The following PUS7L variants were observed in gnomAD, a reference collection of about 807,000 sequenced individuals.
The protein encoded by PUS7L is pseudouridine synthase 7 like.
A neutral mutation model predicts 51.1 loss-of-function variants in PUS7L; 49 were observed. The observed-to-expected ratio is 0.96, with a 90% CI of 0.76 to 1.22. The LOEUF is 1.22. Ranked by LOEUF, PUS7L falls within the 50% of genes most tolerant of loss-of-function variation. The pLI, the probability that PUS7L is intolerant of heterozygous loss-of-function variation, is 0.00. For missense variants in PUS7L, 828 were observed against 820.6 expected (o/e 1.01, Z -0.11); for synonymous variants, 277 against 276.2 (o/e 1.00, Z -0.03).
chr12:43,754,415 T>C lies in PUS7L; in HGVS notation c.831A>G (p.Thr277=). The change falls in exon 2 of 9, where the codon ACA becomes ACG. Residue 277 remains threonine, a synonymous_variant. Coordinates refer to ENST00000344862, the MANE Select transcript of PUS7L (RefSeq NM_031292.5). Reference sequence around the variant, plus strand: ...TGTGTGCTTTTTCCCGAAATCTTACTGTTACCACCACATTCGGATTACCAG... The same window carrying C: ...TGTGTGCTTTTTCCCGAAATCTTACCGTTACCACCACATTCGGATTACCAG... ...CSAGNPNVVV[T]VRFREKAHKR... The C allele has an allele frequency of 6.2e-7, 1 of 1,613,358 alleles. No individual in the cohort carries two copies. The highest frequency in any genetic ancestry group is 1.1e-5 in the South Asian group (1 of 90,894).
In PUS7L at chr12:43,736,436, C is replaced by T; in HGVS notation, c.1670G>A (p.Gly557Asp). The change falls in exon 7 of 9, where the codon GGT becomes GAT. Residue 557 changes from glycine (G) to aspartate (D), a missense_variant. Transcript: ENST00000344862. ...LETYGARVVQ[G>D]DLVCLDEDID... ...GTCTTCATCCAAACAGACCAAATCACCCTGCACTACTCTTGCTCCATAGGT... is the reference window on the plus strand; with the variant it reads ...GTCTTCATCCAAACAGACCAAATCATCCTGCACTACTCTTGCTCCATAGGT... 2 of 1,614,160 alleles carry T rather than the reference C, an allele frequency of 1.2e-6. No individual in the cohort carries two copies. The highest frequency in any genetic ancestry group is 8.5e-7 in the Non-Finnish European group (1 of 1,180,022).
rs960230006 is a variant in PUS7L, at chr12:43,724,797, T to C, written c.*5579A>G. The C allele has an allele frequency of 6.6e-6, 1 of 152,218 alleles. No individual in the cohort carries two copies. Among genetic ancestry groups the C allele is most frequent in the Non-Finnish European group, 1.5e-5 (1 of 68,026 alleles). 9.4% of individuals were successfully genotyped at this position (152,218 alleles called of 1,614,324 possible). The stretch of plus-strand genomic sequence containing the variant: ...CTTCATGTATTGGTATCATAATTAC[T>C]GCTATGTCTATACTATTATTTATTT... On this transcript the variant is annotated 3_prime_UTR_variant, in exon 9 of 9. Coordinates refer to ENST00000344862, the MANE Select transcript of PUS7L (RefSeq NM_031292.5).
In PUS7L at chr12:43,720,234, A is replaced by G. The variant is rs1389128379; in HGVS notation, c.*10142T>C. The G allele has an allele frequency of 6.6e-6, 1 of 152,226 alleles. No individual in the cohort carries two copies. The highest frequency in any genetic ancestry group is 2.4e-5 in the African/African-American group (1 of 41,466). 9.4% of individuals were successfully genotyped at this position (152,226 alleles called of 1,614,324 possible). On this transcript the variant is annotated 3_prime_UTR_variant, in exon 9 of 9. Coordinates refer to ENST00000344862, the MANE Select transcript of PUS7L (RefSeq NM_031292.5). ...AGTGTATCTCTTCATCTGTAATCCC[A>G]GCATTTTGGGAGGCTGAGGCTGGCA...
chr12:43,729,471 T>C lies in PUS7L; in HGVS notation c.*905A>G, dbSNP rs924033457. The C allele has an allele frequency of 5.8e-6, 2 of 345,152 alleles. No homozygotes were observed. The highest frequency in any genetic ancestry group is 4.2e-5 in the African/African-American group (2 of 47,586). The allele number at this position is 345,152 out of a possible 1,614,324, so 21.4% of individuals were successfully genotyped here. ...CCAACACACCCATATTTAACTGATATAAAATGGTGAAGGATGATTTATAAT... is the reference window on the plus strand; with the variant it reads ...CCAACACACCCATATTTAACTGATACAAAATGGTGAAGGATGATTTATAAT... On this transcript the variant is annotated 3_prime_UTR_variant, in exon 9 of 9. Transcript: ENST00000344862.
In PUS7L at chr12:43,719,371, A is replaced by G. The variant is rs189862773; in HGVS notation, c.*11005T>C. 6.6e-6 allele frequency: 1 copy of G among 152,332 alleles called. No homozygotes were observed. Among genetic ancestry groups the G allele is most frequent in the East Asian group, 1.9e-4 (1 of 5,178 alleles). 9.4% of individuals were successfully genotyped at this position (152,332 alleles called of 1,614,324 possible). ...AGAAAAGTAAGAAAAGTATTATAAA[A>G]GTTGAAATAAAGCTAACCTTGGAGT... On this transcript the variant is annotated 3_prime_UTR_variant, in exon 9 of 9. Coordinates refer to ENST00000344862, the MANE Select transcript of PUS7L (RefSeq NM_031292.5).
In PUS7L at chr12:43,736,367, G is replaced by A. The variant is rs1944688630; in HGVS notation, c.1725+14C>T. 1.9e-6 allele frequency: 3 copies of A among 1,607,664 alleles called. No homozygotes were observed. Among genetic ancestry groups the A allele is most frequent in the Admixed American group, 1.7e-5 (1 of 59,812 alleles). On this transcript the variant is annotated intron_variant, in intron 7 of 8. Coordinates refer to ENST00000344862, the MANE Select transcript of PUS7L (RefSeq NM_031292.5). ...GTAACTACTCTTGGAAAACTCTGAT[G>A]GAATGATACTTACTTTACTATTTGG...
At chr12:43,758,392 C>G (rs1286906589) in intron 1 of PUS7L, 2 of 985,406 alleles carry the variant, frequency 2.0e-6, no homozygotes, top group Admixed American at 6.2e-5. Flanking sequence ...TTGCTTGGCC[C>G]GTGGTTGAGG....
intron 1 of PUS7L, among the ~76,000 whole-genome samples, chr12:43,757,773 A>G (rs1279027120): frequency 1.3e-5 from 2 of 152,376 alleles, no homozygotes; most frequent in South Asian, 2.1e-4. Flanking sequence ...TAAGTCCTCC[A>G]TAGTTCAAGA....
intron 2 of PUS7L, among the ~76,000 whole-genome samples, chr12:43,749,301 C>T (rs1295205137): frequency 1.3e-5 from 2 of 152,174 alleles, no homozygotes; most frequent in Non-Finnish European, 2.9e-5. Flanking sequence ...CTGTCTAAAA[C>T]ATGTGTTCCC....
chr12:43,751,106 T>G (rs1938418414), intron 2 of PUS7L, among the ~76,000 whole-genome samples: 1 of 152,130 alleles, frequency 6.6e-6, no homozygotes, highest in Non-Finnish European at 1.5e-5. Flanking sequence ...CAAGAACTCT[T>G]TGGTTTGGTG....
intron 3 of PUS7L, among the ~76,000 whole-genome samples, chr12:43,746,532 G>A (rs1201373336): frequency 6.6e-6 from 1 of 152,172 alleles, no homozygotes; most frequent in East Asian, 1.9e-4. Context: ...GCTCCTAGCA[G>A]TTCTCCTGAT....
In PUS7L at chr12:43,730,205, T is replaced by G; in HGVS notation, c.*171A>C. 2 of 583,224 alleles carry G rather than the reference T, an allele frequency of 3.4e-6. No homozygotes were observed. The highest frequency in any genetic ancestry group is 3.0e-6 in the Non-Finnish European group (1 of 332,962). 36.1% of individuals were successfully genotyped at this position (583,224 alleles called of 1,614,324 possible). ...GGACCTTAAATTTGGACCCTGACACTTACATATCCTCTATAAAATTACAGT... is the reference window on the plus strand; with the variant it reads ...GGACCTTAAATTTGGACCCTGACACGTACATATCCTCTATAAAATTACAGT... On this transcript the variant is annotated 3_prime_UTR_variant, in exon 9 of 9. Coordinates refer to ENST00000344862, the MANE Select transcript of PUS7L (RefSeq NM_031292.5).
chr12:43,743,000 C>A (rs1937978940), intron 4 of PUS7L, among the ~76,000 whole-genome samples: 1 of 152,162 alleles, frequency 6.6e-6, no homozygotes, highest in Non-Finnish European at 1.5e-5. Flanking sequence ...TATCCTGGCT[C>A]TTTTCTACAT....
In PUS7L at chr12:43,722,329, T is replaced by C. The variant is rs1412664534; in HGVS notation, c.*8047A>G. The C allele has an allele frequency of 6.6e-6, 1 of 152,008 alleles. No individual in the cohort carries two copies. The highest frequency in any genetic ancestry group is 2.4e-5 in the African/African-American group (1 of 41,412). 9.4% of individuals were successfully genotyped at this position (152,008 alleles called of 1,614,324 possible). On this transcript the variant is annotated 3_prime_UTR_variant, in exon 9 of 9. Transcript: ENST00000344862. ...GACATTTCTACTTTTTGGAGAACAA[T>C]TGACATAGTAAACAAGATGGACTGA... is the stretch of plus-strand genomic sequence containing the variant.
rs1200877516 is a variant in PUS7L at position 43,726,497 on chromosome 12, T to C, written c.*3879A>G. 1 of 108,096 alleles carries C rather than the reference T, an allele frequency of 9.3e-6. No homozygotes were observed. The highest frequency in any genetic ancestry group is 1.9e-5 in the Non-Finnish European group (1 of 51,536). 6.7% of individuals were successfully genotyped at this position (108,096 alleles called of 1,614,324 possible). On this transcript the variant is annotated 3_prime_UTR_variant, in exon 9 of 9. Transcript: ENST00000344862. ...GACAAAAGACCTAACAAAGATATCATGACAGACTCCAAAAGCAACTGGAAC... is the reference window on the plus strand; with the variant it reads ...GACAAAAGACCTAACAAAGATATCACGACAGACTCCAAAAGCAACTGGAAC...
rs1356029741 is a variant in PUS7L at position 43,719,806 on chromosome 12, C to G, written c.*10570G>C. On this transcript the variant is annotated 3_prime_UTR_variant, in exon 9 of 9. Transcript: ENST00000344862. ...TTTTTACAGCACCTATAGTGATTTC[C>G]TTTCCAATTATGATATTGGTTAGTT... 1 of 152,108 alleles carries G rather than the reference C, an allele frequency of 6.6e-6. No individual in the cohort carries two copies. Among genetic ancestry groups the G allele is most frequent in the Non-Finnish European group, 1.5e-5 (1 of 68,012 alleles). The allele number at this position is 152,108 out of a possible 1,614,324, so 9.4% of individuals were successfully genotyped here.
In PUS7L at chr12:43,721,042, C is replaced by A. The variant is rs1944391785; in HGVS notation, c.*9334G>T. On this transcript the variant is annotated 3_prime_UTR_variant, in exon 9 of 9. Coordinates refer to ENST00000344862, the MANE Select transcript of PUS7L (RefSeq NM_031292.5). ...TGATTGATAGCTATTGTCATTACAA[C>A]ACTTAAAGTGAATTTTCCCCAACTT... is the stretch of plus-strand genomic sequence containing the variant. 6.6e-6 allele frequency: 1 copy of A among 152,172 alleles called. No individual in the cohort carries two copies. Among genetic ancestry groups the A allele is most frequent in the Non-Finnish European group, 1.5e-5 (1 of 68,022 alleles). The allele number at this position is 152,172 out of a possible 1,614,324, so 9.4% of individuals were successfully genotyped here. A position where few individuals can be genotyped will look rare whatever the true frequency, so the allele number is the denominator to read the frequency against.
At chr12:43,738,045 G>A (rs1937695317) in intron 6 of PUS7L, 1 of 310,096 alleles carries the variant, frequency 3.2e-6, no homozygotes, top group African/African-American at 2.2e-5. Context: ...CTCTCTCAGA[G>A]GATTTCAGCC....
chr12:43,742,039 A>G (rs927631043), intron 5 of PUS7L, among the ~76,000 whole-genome samples: 1 of 152,204 alleles, frequency 6.6e-6, no homozygotes. Flanking sequence ...TGTAACATGA[A>G]TTTTTAGCTT....
Sources: gnomAD v4.1 joint callset for allele counts (sites outside exome capture counted in the v4.1 genomes callset) on GRCh38, gnomAD v4.1.1 for gene constraint, MANE v1.5 for transcripts, NCBI Gene and HGNC (gene_info 2026-07-23, HGNC 2026-07-21) for gene names.